The following MYO15B variants were observed in gnomAD, a reference collection of about 807,000 sequenced individuals.
MYO15B encodes myosin XVB.
Under a neutral mutation model 119.3 loss-of-function variants are expected in MYO15B, and 207 were observed. That is an observed-to-expected ratio of 1.73 (90% CI 1.55 to 1.95). The LOEUF is 1.95. Ranked by LOEUF, MYO15B falls within the 30% of genes most tolerant of loss-of-function variation. MYO15B has a pLI of 0.00. For synonymous variants in MYO15B, 966 were observed against 498.9 expected (o/e 1.94, Z -12.48); for missense variants, 2,264 against 1,203.1 (o/e 1.88, Z -13.04).
chr17:75,621,247 G>A (rs1034777237), intron 50 of MYO15B, 71 bp downstream of exon 50: 2 of 659,180 alleles, frequency 3.0e-6, no homozygotes, highest in Non-Finnish European at 5.6e-6. Flanking sequence ...CCTGCTCAGA[G>A]CCACTGGGCT....
chr17:75,617,484 C>G lies in MYO15B; in HGVS notation c.6814+180C>G, dbSNP rs2058444789. The G allele has an allele frequency of 5.4e-6, 3 of 557,716 alleles. No individual in the cohort carries two copies. The South Asian group carries it at 7.1e-5, about 13-fold the overall frequency. 34.5% of individuals were successfully genotyped at this position (557,716 alleles called of 1,614,324 possible). A position where few individuals can be genotyped will look rare whatever the true frequency, so the allele number is the denominator to read the frequency against. ...CCAGCTTCCGCGTTCCCACCCAGGG[C>G]AGGGCCTGGGCATCTTTGGGGCTGT... On this transcript the variant is annotated intron_variant, in intron 41 of 63. Coordinates refer to ENST00000645453, the Ensembl canonical transcript of MYO15B.
At position 75,625,614 on chromosome 17, in the gene MYO15B, AC is replaced by A. The variant is rs1439213199; in HGVS notation, c.8893del (p.Arg2965GlyfsTer18). The A allele has an allele frequency of 4.3e-6, 3 of 703,014 alleles. No homozygotes were observed. Among genetic ancestry groups the A allele is most frequent in the Non-Finnish European group, 5.2e-6 (2 of 384,992 alleles). The allele number at this position is 703,014 out of a possible 1,614,324, so 43.5% of individuals were successfully genotyped here. ...AGAACCTGATGGGTCAGGAGCTGAGACGGCTGGAAGGACACAGCCCCCAGGA... is the reference window on the plus strand; with the variant it reads ...AGAACCTGATGGGTCAGGAGCTGAGAGGCTGGAAGGACACAGCCCCCAGGA... On this transcript the variant is annotated frameshift_variant, in exon 61 of 64. Coordinates refer to ENST00000645453, the Ensembl canonical transcript of MYO15B. LOFTEE classifies it high-confidence loss of function.
intron 1 of MYO15B, 148 bp from the exon 2 acceptor site, chr17:75,590,478 C>T (rs998552576): frequency 1.8e-5 from 7 of 391,654 alleles, no homozygotes; most frequent in Non-Finnish European, 3.2e-5. Context: ...TTGTAGCCTG[C>T]GCATTACTTG....
At chr17:75,597,476 G>A (rs1199313592) in intron 14 of MYO15B, among the ~76,000 whole-genome samples, 3 of 152,218 alleles carry the variant, frequency 2.0e-5, no homozygotes, top group African/African-American at 7.2e-5. Flanking sequence ...CCGTGTGAAG[G>A]GTTTGAGCTC....
intron 12 of MYO15B, among the ~76,000 whole-genome samples, chr17:75,596,141 GC>G (rs1320062359): frequency 2.6e-5 from 4 of 152,212 alleles, no homozygotes; most frequent in African/African-American, 9.6e-5. Flanking sequence ...GCATGAGGAT[GC>G]GGGACTCTGA....
At chr17:75,626,055 G>A (rs1267793873) in intron 62 of MYO15B, 33 bp from the exon 63 acceptor site, 2 of 699,514 alleles carry the variant, frequency 2.9e-6, no homozygotes, top group Non-Finnish European at 5.2e-6. Flanking sequence ...CCTCCCCGGA[G>A]AGGAGACCAG....
chr17:75,615,846 C>T, exon 36 of MYO15B: 1 of 701,092 alleles, frequency 1.4e-6, no homozygotes, highest in Non-Finnish European at 2.6e-6. Flanking sequence ...CCCGGAGAAG[C>T]CACAGCGTGA....
chr17:75,600,164 C>G (rs553388129), intron 14 of MYO15B, among the ~76,000 whole-genome samples: 1 of 150,866 alleles, frequency 6.6e-6, no homozygotes, highest in South Asian at 2.1e-4. Context: ...GTAGCTGGGA[C>G]CGCAGGTGCC....
chr17:75,626,773 C>A, exon 64 of MYO15B: 1 of 528,554 alleles, frequency 1.9e-6, no homozygotes, highest in South Asian at 2.3e-5. Flanking sequence ...ACCCCAGGCT[C>A]CGCCCAGGCC....
Position 75,614,375 on chromosome 17 carries a change from G to A in MYO15B, c.5381+15G>A. On this transcript the variant is annotated intron_variant, in intron 30 of 63. Transcript: ENST00000645453. ...CCTCTTGGCTCGTAGGTGCCACCCA[G>A]CACCCCTCTCCCTGGCCTGCTCCTG... The A allele has an allele frequency of 1.4e-6, 1 of 701,190 alleles. No homozygotes were observed. Among genetic ancestry groups the A allele is most frequent in the Non-Finnish European group, 2.6e-6 (1 of 383,898 alleles). The allele number at this position is 701,190 out of a possible 1,614,324, so 43.4% of individuals were successfully genotyped here. A position where few individuals can be genotyped will look rare whatever the true frequency, so the allele number is the denominator to read the frequency against.
chr17:75,615,832 C>T, exon 36 of MYO15B: 1 of 702,428 alleles, frequency 1.4e-6, no homozygotes, highest in African/African-American at 1.7e-5. Context: ...AAGCCCCCCA[C>T]ACCCCCGGAG....
intron 19 of MYO15B, among the ~76,000 whole-genome samples, chr17:75,603,570 C>T (rs1303435341): frequency 6.6e-6 from 1 of 152,260 alleles, no homozygotes; most frequent in Non-Finnish European, 1.5e-5. Context: ...TGTGCTGATG[C>T]CTGGGCACCA....
At chr17:75,587,884 G>A (rs2056169792) in exon 1 of MYO15B, among the ~76,000 whole-genome samples, 1 of 152,276 alleles carries the variant, frequency 6.6e-6, no homozygotes, top group African/African-American at 2.4e-5. Context: ...AGGACCCGCC[G>A]CCTTCTGCAT....
intron 29 of MYO15B, chr17:75,613,994 T>A: frequency 1.7e-6 from 1 of 598,366 alleles, no homozygotes; most frequent in South Asian, 2.0e-5. Context: ...AGAAAAGAAA[T>A]GCCCATGCTG....
intron 19 of MYO15B, 70 bp from the exon 20 acceptor site, chr17:75,605,434 C>CT: frequency 2.1e-6 from 1 of 479,660 alleles, no homozygotes; most frequent in Non-Finnish European, 3.6e-6. Context: ...GAGACTCCGT[C>CT]TTAAAAAAAA....
At chr17:75,611,603 G>A (rs1287542196) in exon 24 of MYO15B, 7 of 702,666 alleles carry the variant, frequency 1.0e-5, no homozygotes, top group Admixed American at 8.0e-5. Context: ...TCTGCCAGGA[G>A]CTGGGGCGCT....
In MYO15B at chr17:75,589,982, G is replaced by A; in HGVS notation, c.1925G>A (p.Gly642Asp). The A allele has an allele frequency of 2.5e-6, 1 of 398,712 alleles. No homozygotes were observed. The highest frequency in any genetic ancestry group is 4.4e-6 in the Non-Finnish European group (1 of 225,966). The allele number at this position is 398,712 out of a possible 1,614,324, so 24.7% of individuals were successfully genotyped here. A position where few individuals can be genotyped will look rare whatever the true frequency, so the allele number is the denominator to read the frequency against. The change falls in exon 1 of 64, where the codon GGC becomes GAC. Residue 642 changes from glycine to aspartate, a missense_variant. Transcript: ENST00000645453. This position sits in a 1 kb window ranked among gnomAD's most constrained non-coding sequence, Gnocchi z 4.2. ...CCGGTGCGCTGGGCGCAGGGCTCAG[G>A]CCCCCACGAGGGTCCTAGGCTTGGC...
chr17:75,610,338 G>T, intron 22 of MYO15B, 79 bp downstream of exon 22: 1 of 617,204 alleles, frequency 1.6e-6, no homozygotes, highest in Non-Finnish European at 2.9e-6. Context: ...TCCCAGCAGC[G>T]TTGACCCTCT....
chr17:75,624,404 T>TG lies in MYO15B; in HGVS notation c.8403dup (p.Pro2802AlafsTer7). On this transcript the variant is annotated frameshift_variant, in exon 57 of 64. Coordinates refer to ENST00000645453, the Ensembl canonical transcript of MYO15B. LOFTEE classifies it high-confidence loss of function. ...GCGATTCGCCTGCTTCTTATTCACCTGCCGGGGGGTGTGGATTATAGGACG... is the reference window on the plus strand; with the variant it reads ...GCGATTCGCCTGCTTCTTATTCACCTGGCCGGGGGGTGTGGATTATAGGACG... 1.4e-6 allele frequency: 1 copy of TG among 702,504 alleles called. No homozygotes were observed. Among genetic ancestry groups the TG allele is most frequent in the South Asian group, 1.5e-5 (1 of 67,126 alleles). The allele number at this position is 702,504 out of a possible 1,614,324, so 43.5% of individuals were successfully genotyped here.
Sources: allele counts gnomAD v4.1 joint callset (sites outside exome capture counted in the v4.1 genomes callset), GRCh38; gene constraint gnomAD v4.1.1; non-coding constraint Gnocchi (gnomAD v3.1); transcripts MANE v1.5; gene names NCBI Gene and HGNC (gene_info 2026-07-23, HGNC 2026-07-21).